The following OLFM3 variants were observed in gnomAD, a reference collection of about 807,000 sequenced individuals.
OLFM3 encodes olfactomedin 3, also known as noelin-3.
A neutral mutation model predicts 48.6 loss-of-function variants in OLFM3; 20 were observed. The observed-to-expected ratio is 0.41, with a 90% CI of 0.29 to 0.60. The LOEUF (loss-of-function observed/expected upper bound fraction) is 0.60, where lower values mean the gene tolerates loss of function less well. OLFM3 is among the 20% of genes least tolerant of loss of function. The pLI, the probability that OLFM3 is intolerant of heterozygous loss-of-function variation, is 0.28. For synonymous variants in OLFM3, 222 were observed against 198.1 expected (o/e 1.12, Z -1.01); for missense variants, 437 against 544.3 (o/e 0.80, Z 1.96).
intron 1 of OLFM3, among the ~76,000 whole-genome samples, chr1:101,957,463 G>T (rs1186290742): frequency 6.6e-6 from 1 of 151,918 alleles, no homozygotes; most frequent in East Asian, 1.9e-4. Context: ...AAAGACAAAA[G>T]ATATTTGGAA....
At position 101,996,740 on chromosome 1, in the gene OLFM3, G is replaced by A; in HGVS notation, c.69+8C>T. ...TATTTCAAACAAGACTCAAAATATT[G>A]TTCATACCTTGGAAGGATCTAATCC... On this transcript the variant is annotated splice_region_variant and intron_variant, in intron 1 of 5. Transcript: ENST00000370103. 6.2e-7 allele frequency: 1 copy of A among 1,613,844 alleles called. No individual in the cohort carries two copies. Among genetic ancestry groups the A allele is most frequent in the Non-Finnish European group, 8.5e-7 (1 of 1,179,718 alleles).
chr1:101,849,896 A>G (rs1229891598), intron 1 of OLFM3, among the ~76,000 whole-genome samples: 2 of 152,196 alleles, frequency 1.3e-5, no homozygotes, highest in African/African-American at 4.8e-5. Flanking sequence ...ATTTATTGTC[A>G]GCTGATATGC....
chr1:101,960,366 G>A (rs1660431454), intron 1 of OLFM3, among the ~76,000 whole-genome samples: 1 of 152,158 alleles, frequency 6.6e-6, no homozygotes, highest in Admixed American at 6.6e-5. Flanking sequence ...AACATGCCGG[G>A]AGCTTAGAGC....
chr1:101,916,367 A>G (rs1484874431), intron 1 of OLFM3, among the ~76,000 whole-genome samples: 2 of 151,974 alleles, frequency 1.3e-5, no homozygotes, highest in South Asian at 2.1e-4. Flanking sequence ...TTTAAATCTT[A>G]CATTATCACT....
intron 1 of OLFM3, among the ~76,000 whole-genome samples, chr1:101,956,086 G>GTTGGTTTTTTTTT (rs1553183027): frequency 1.0e-4 from 11 of 105,048 alleles, no homozygotes; most frequent in African/African-American, 3.5e-4. Flanking sequence ...ACAATAACAG[G>GTTGGTTTTTTTTT]TTTTTTTTTT....
intron 1 of OLFM3, among the ~76,000 whole-genome samples, chr1:101,949,172 CT>C (rs1167209191): frequency 6.6e-6 from 1 of 151,982 alleles, no homozygotes; most frequent in Non-Finnish European, 1.5e-5. Context: ...TTCTCAAATA[CT>C]TTTTTTGCTT....
chr1:101,877,682 T>A (rs1657354024), intron 1 of OLFM3, among the ~76,000 whole-genome samples: 3 of 151,790 alleles, frequency 2.0e-5, no homozygotes. Context: ...GTTTTTTTTT[T>A]AAATAAATGC....
chr1:101,950,539 C>T (rs1449489921), intron 1 of OLFM3, among the ~76,000 whole-genome samples: 2 of 151,446 alleles, frequency 1.3e-5, no homozygotes, highest in Non-Finnish European at 2.9e-5. Flanking sequence ...CCCGGGTTCA[C>T]GCCATTCTCC....
At chr1:101,870,058 C>T (rs1657015456) in intron 1 of OLFM3, among the ~76,000 whole-genome samples, 2 of 152,132 alleles carry the variant, frequency 1.3e-5, no homozygotes, top group Non-Finnish European at 2.9e-5. Context: ...TATTAATGCA[C>T]TATTCAAAAA....
At chr1:101,819,317 C>T (rs144323429) in intron 4 of OLFM3, among the ~76,000 whole-genome samples, 1 of 152,162 alleles carries the variant, frequency 6.6e-6, no homozygotes, top group East Asian at 1.9e-4. Context: ...CAGGCAGAGC[C>T]CATTTCATGA....
chr1:101,881,129 A>T (rs1657510781), intron 1 of OLFM3, among the ~76,000 whole-genome samples: 1 of 151,928 alleles, frequency 6.6e-6, no homozygotes, highest in Non-Finnish European at 1.5e-5. Flanking sequence ...TGATGACTTC[A>T]TTGAAAATCT....
At chr1:101,831,795 C>T (rs1234111023) in intron 2 of OLFM3, among the ~76,000 whole-genome samples, 1 of 152,122 alleles carries the variant, frequency 6.6e-6, no homozygotes, top group African/African-American at 2.4e-5. Context: ...CCAAGTGATT[C>T]CTATGTCTAT....
intron 1 of OLFM3, among the ~76,000 whole-genome samples, chr1:101,895,488 A>G (rs1308848813): frequency 1.3e-5 from 2 of 151,852 alleles, no homozygotes; most frequent in African/African-American, 2.4e-5. Flanking sequence ...CCTAAATTCC[A>G]TGCTTCATTA....
At chr1:101,849,814 G>A (rs1656154572) in intron 1 of OLFM3, among the ~76,000 whole-genome samples, 1 of 152,158 alleles carries the variant, frequency 6.6e-6, no homozygotes, top group Non-Finnish European at 1.5e-5. Context: ...TTAGTTTGGG[G>A]GTTTGGATGA....
At chr1:101,917,916 A>G (rs529157577) in intron 1 of OLFM3, among the ~76,000 whole-genome samples, 6 of 152,308 alleles carry the variant, frequency 3.9e-5, no homozygotes, top group African/African-American at 1.4e-4. Context: ...AGAAAAGAGC[A>G]CGTAATTTAT....
intron 1 of OLFM3, among the ~76,000 whole-genome samples, chr1:101,875,273 G>C (rs749344957): frequency 5.9e-5 from 9 of 151,896 alleles, no homozygotes; most frequent in Non-Finnish European, 8.8e-5. Context: ...TGTGATGGTG[G>C]ATATATGTCA....
intron 2 of OLFM3, among the ~76,000 whole-genome samples, 182 bp downstream of exon 2, chr1:101,836,696 TA>T (rs1655429848): frequency 6.6e-6 from 1 of 150,866 alleles, no homozygotes; most frequent in Non-Finnish European, 1.5e-5. Flanking sequence ...GTCATAGAAA[TA>T]GGACAAAGAC....
chr1:101,819,197 A>T (rs918629699), intron 4 of OLFM3, among the ~76,000 whole-genome samples: 1 of 152,078 alleles, frequency 6.6e-6, no homozygotes, highest in Non-Finnish European at 1.5e-5. Flanking sequence ...AGCAAGTTCA[A>T]TGTCAAGAAG....
At chr1:101,935,515 G>T (rs929328876) in intron 1 of OLFM3, among the ~76,000 whole-genome samples, 6 of 152,038 alleles carry the variant, frequency 3.9e-5, no homozygotes, top group Non-Finnish European at 5.9e-5. Flanking sequence ...ACGAGAATCA[G>T]ATGGAATCAT....
Sources: allele counts gnomAD v4.1 joint callset (sites outside exome capture counted in the v4.1 genomes callset), GRCh38; gene constraint gnomAD v4.1.1; transcripts MANE v1.5; gene names NCBI Gene and HGNC (gene_info 2026-07-23, HGNC 2026-07-21).